CDH13: variants seen among roughly 807,000 people sequenced by gnomAD.
CDH13 encodes cadherin 13.
Under a neutral mutation model 63.8 loss-of-function variants are expected in CDH13, and 24 were observed. That is an observed-to-expected ratio of 0.38 (90% CI 0.27 to 0.53). CDH13 has a LOEUF of 0.53. CDH13 is among the 20% of genes least tolerant of loss of function. The pLI is 0.85. For missense variants in CDH13, 1,049 were observed against 903.1 expected (o/e 1.16, Z -2.07); for synonymous variants, 503 against 355.3 (o/e 1.42, Z -4.67).
At chr16:82,883,240 A>T (rs997522987) in intron 2 of CDH13, among the ~76,000 whole-genome samples, 1 of 152,248 alleles carries the variant, frequency 6.6e-6, no homozygotes, top group Non-Finnish European at 1.5e-5. Flanking sequence ...AGGCAGTGTC[A>T]TCTCATGATC....
chr16:82,724,616 G>A (rs1332632965), intron 1 of CDH13, among the ~76,000 whole-genome samples: 1 of 152,106 alleles, frequency 6.6e-6, no homozygotes, highest in Non-Finnish European at 1.5e-5. Context: ...CTGACTTGAA[G>A]GAGTTCACAC....
chr16:83,200,418 A>C (rs564738841), intron 4 of CDH13, among the ~76,000 whole-genome samples: 13 of 152,272 alleles, frequency 8.5e-5, no homozygotes, highest in African/African-American at 3.1e-4. Flanking sequence ...CCATGTCTCT[A>C]AGCATTCAAC....
chr16:83,220,137 G>A (rs1055181638), intron 5 of CDH13, among the ~76,000 whole-genome samples: 3 of 152,134 alleles, frequency 2.0e-5, no homozygotes, highest in East Asian at 1.9e-4. Context: ...GTTTCCCTCC[G>A]TGCTTCATGC....
intron 8 of CDH13, among the ~76,000 whole-genome samples, chr16:83,651,310 A>G (rs1452158300): frequency 1.3e-5 from 2 of 152,194 alleles, no homozygotes; most frequent in Non-Finnish European, 2.9e-5. Context: ...TGCAACAAAC[A>G]TCGTTTCTTT....
chr16:82,676,051 C>A (rs1285495260), intron 1 of CDH13, among the ~76,000 whole-genome samples: 2 of 152,220 alleles, frequency 1.3e-5, no homozygotes, highest in Non-Finnish European at 1.5e-5. Flanking sequence ...ATTGATTAAG[C>A]CCCCAGTCTG....
chr16:83,027,815 C>T (rs1017195894), intron 2 of CDH13, among the ~76,000 whole-genome samples: 21 of 152,106 alleles, frequency 1.4e-4, no homozygotes, highest in Admixed American at 7.9e-4. Flanking sequence ...CGGTAGATGC[C>T]GCAGGACTTT....
chr16:83,250,145 A>G (rs1222021735), intron 5 of CDH13, among the ~76,000 whole-genome samples: 1 of 152,220 alleles, frequency 6.6e-6, no homozygotes, highest in African/African-American at 2.4e-5. Context: ...TGTTTAAAAT[A>G]AAACAATTTT....
chr16:83,381,795 C>T (rs1597878739), intron 6 of CDH13, among the ~76,000 whole-genome samples: 3 of 151,814 alleles, frequency 2.0e-5, no homozygotes, highest in South Asian at 2.1e-4. Flanking sequence ...CAACTGAATG[C>T]AGCCATTGCC....
At chr16:83,220,762 A>T (rs995902731) in intron 5 of CDH13, among the ~76,000 whole-genome samples, 2 of 152,180 alleles carry the variant, frequency 1.3e-5, no homozygotes, top group Admixed American at 1.3e-4. Flanking sequence ...TGCTGCTCAC[A>T]TGCAAGTACG....
At chr16:83,221,418 TG>T (rs2039696241) in intron 5 of CDH13, among the ~76,000 whole-genome samples, 1 of 152,196 alleles carries the variant, frequency 6.6e-6, no homozygotes. Flanking sequence ...CAAAGCCTCC[TG>T]AAATATTACT....
At position 83,670,846 on chromosome 16, in the gene CDH13, A is replaced by G; in HGVS notation, c.1158A>G (p.Glu386=). ...GAGTTATTGTCAATTTGACAGTTGA[A>G]GATAAGGATGACCCCACCACAGGTG... is the stretch of plus-strand genomic sequence containing the variant. ...AVGVIVNLTV[E]DKDDPTTGAW... is the part of the protein sequence containing the mutation. Residue 386 remains glutamate, a synonymous_variant, in exon 9 of 14, where the codon GAA becomes GAG. Coordinates refer to ENST00000567109, the MANE Select transcript of CDH13 (RefSeq NM_001257.5). 1 of 1,613,932 alleles carries G rather than the reference A, an allele frequency of 6.2e-7. No homozygotes were observed. The highest frequency in any genetic ancestry group is 1.1e-5 in the South Asian group (1 of 91,068).
intron 10 of CDH13, among the ~76,000 whole-genome samples, chr16:83,715,188 G>T (rs986993516): frequency 2.6e-4 from 39 of 152,306 alleles, no homozygotes; most frequent in African/African-American, 9.4e-4. Flanking sequence ...TAAATATTAA[G>T]CTCTGTGTAA....
intron 2 of CDH13, among the ~76,000 whole-genome samples, chr16:82,999,544 T>A (rs981406071): frequency 6.6e-6 from 1 of 151,922 alleles, no homozygotes; most frequent in African/African-American, 2.4e-5. Context: ...AAAAAATCAA[T>A]CAGAGGTGAA....
intron 2 of CDH13, among the ~76,000 whole-genome samples, chr16:82,945,322 CA>C (rs1567682926): frequency 6.6e-6 from 1 of 152,060 alleles, no homozygotes; most frequent in African/African-American, 2.4e-5. Context: ...TACAAAAAAA[CA>C]AAGGGTCAGA....
At chr16:82,807,915 C>G (rs967427012) in intron 1 of CDH13, among the ~76,000 whole-genome samples, 1 of 152,164 alleles carries the variant, frequency 6.6e-6, no homozygotes, top group Non-Finnish European at 1.5e-5. Context: ...TCAAACTGTT[C>G]TTTTCCTTAA....
chr16:83,005,657 A>G (rs1212977132), intron 2 of CDH13, among the ~76,000 whole-genome samples: 3 of 152,222 alleles, frequency 2.0e-5, no homozygotes, highest in African/African-American at 7.2e-5. Context: ...AAACAGTGTC[A>G]AATTCTCATC....
intron 5 of CDH13, among the ~76,000 whole-genome samples, chr16:83,270,814 C>CA (rs2088780952): frequency 6.6e-6 from 1 of 152,060 alleles, no homozygotes; most frequent in Admixed American, 6.6e-5. Flanking sequence ...GTGTCAAAGA[C>CA]ATTTTTGCAG....
intron 2 of CDH13, among the ~76,000 whole-genome samples, chr16:83,020,415 T>C (rs1272209692): frequency 1.3e-5 from 2 of 152,052 alleles, no homozygotes; most frequent in African/African-American, 4.8e-5. Context: ...GAAAAGTCCA[T>C]CTCCAGGATC....
At chr16:83,000,530 G>A (rs113758657) in intron 2 of CDH13, among the ~76,000 whole-genome samples, 48 of 149,074 alleles carry the variant, frequency 3.2e-4, no homozygotes, top group Non-Finnish European at 1.5e-4. Context: ...TTACAGGTGT[G>A]AGCCACCTCA....
Sources: allele counts gnomAD v4.1 joint callset (sites outside exome capture counted in the v4.1 genomes callset), GRCh38; gene constraint gnomAD v4.1.1; transcripts MANE v1.5; gene names NCBI Gene and HGNC (gene_info 2026-07-23, HGNC 2026-07-21).